The following RABGGTB variants were observed in gnomAD, a reference collection of about 807,000 sequenced individuals.
RABGGTB encodes the protein geranylgeranyl transferase type-2 subunit beta.
RABGGTB carries 20 observed loss-of-function variants against 44.5 expected under a neutral mutation model. The observed-to-expected ratio is 0.45, with a 90% CI of 0.32 to 0.65. RABGGTB has a LOEUF of 0.65. RABGGTB is among the 30% of genes least tolerant of loss of function. The pLI is 0.05. For missense variants in RABGGTB, 302 were observed against 398.7 expected, an observed-to-expected ratio of 0.76 and a Z score of 2.06; for synonymous variants, 128 against 136.7, an observed-to-expected ratio of 0.94 and a Z score of 0.44.
intron 2 of RABGGTB, 142 bp from the exon 3 acceptor site, chr1:75,789,017 T>A (rs1359419688): frequency 2.9e-6 from 2 of 678,228 alleles, no homozygotes; most frequent in Non-Finnish European, 5.0e-6. Context: ...AGCACAGATT[T>A]TAAACTCACT....
At chr1:75,794,055 G>T in intron 7 of RABGGTB, 29 bp from the exon 8 acceptor site, 2 of 1,544,406 alleles carry the variant, frequency 1.3e-6, no homozygotes, top group Non-Finnish European at 1.8e-6. Context: ...AAAAGAGAAT[G>T]AAATTGTGGC....
intron 7 of RABGGTB, 71 bp downstream of exon 7, chr1:75,792,377 T>C: frequency 6.4e-7 from 1 of 1,572,850 alleles, no homozygotes; most frequent in Non-Finnish European, 8.7e-7. Context: ...GTCTTGCCTG[T>C]TTCTATATTG....
At chr1:75,792,771 AGTG>A (rs1649676436) in intron 7 of RABGGTB, among the ~76,000 whole-genome samples, 1 of 152,180 alleles carries the variant, frequency 6.6e-6, no homozygotes, top group Non-Finnish European at 1.5e-5. Context: ...TGCAGCCATA[AGTG>A]GTAAGAAATG....
intron 1 of RABGGTB, chr1:75,786,969 AGTT>A (rs879868461): frequency 3.9e-4 from 161 of 415,614 alleles, no homozygotes; most frequent in Non-Finnish European, 4.6e-4. Context: ...GTAAACCGTA[AGTT>A]GTCCTGAAAT....
intron 4 of RABGGTB, 49 bp from the exon 5 acceptor site, chr1:75,791,236 A>C: frequency 6.8e-7 from 1 of 1,464,796 alleles, no homozygotes; most frequent in Admixed American, 1.7e-5. Flanking sequence ...TAGATGACTC[A>C]TGTATGATTT....
chr1:75,792,426 G>T, intron 7 of RABGGTB, 120 bp downstream of exon 7: 1 of 1,382,328 alleles, frequency 7.2e-7, no homozygotes, highest in Non-Finnish European at 9.8e-7. Context: ...TTTCCCTGTT[G>T]TGAATTTTCA....
chr1:75,787,476 A>G, intron 1 of RABGGTB, 21 bp from the exon 2 acceptor site: 1 of 1,558,596 alleles, frequency 6.4e-7, no homozygotes, highest in Non-Finnish European at 8.9e-7. Flanking sequence ...CATTGATGAG[A>G]TTACCACTTT....
At chr1:75,790,243 C>G (rs1649614149) in intron 4 of RABGGTB, 186 bp downstream of exon 4, 2 of 1,308,298 alleles carry the variant, frequency 1.5e-6, no homozygotes, top group Non-Finnish European at 1.9e-6. Context: ...TACAGGAGCA[C>G]TGGAACAGAG....
Position 75,789,904 on chromosome 1 carries a change from A to G in RABGGTB, c.310-48A>G, listed in dbSNP as rs757680760. 5.1e-6 allele frequency: 7 copies of G among 1,368,210 alleles called. No homozygotes were observed. In the South Asian group the frequency reaches 8.4e-5, roughly 16 times the overall value. 84.8% of individuals were successfully genotyped at this position (1,368,210 alleles called of 1,614,324 possible). ...AAAAAGAGTTGAGCATAAGATCATT[A>G]GAATAAACCTGAAAGGGACATTTAC... On this transcript the variant is annotated intron_variant, in intron 3 of 8. Coordinates refer to ENST00000319942, the MANE Select transcript of RABGGTB (RefSeq NM_004582.4).
intron 1 of RABGGTB, 174 bp from the exon 2 acceptor site, chr1:75,787,323 G>T: frequency 1.6e-6 from 1 of 622,620 alleles, no homozygotes; most frequent in Non-Finnish European, 2.8e-6. Context: ...AATTTCCCTG[G>T]CTCAAGCGAT....
intron 1 of RABGGTB, among the ~76,000 whole-genome samples, chr1:75,786,527 T>C (rs2100481184): frequency 6.6e-6 from 1 of 152,092 alleles, no homozygotes; most frequent in East Asian, 1.9e-4. Context: ...GCCCGATTTC[T>C]GAACCCCTCT....
rs148054996 is a variant in RABGGTB at position 75,789,880 on chromosome 1, A to G, written c.310-72A>G. The G allele has an allele frequency of 9.2e-4, 1,062 of 1,155,182 alleles. 5 individuals carry two copies. In the African/African-American group the frequency reaches 0.015, roughly 16 times the overall value. The allele number at this position is 1,155,182 out of a possible 1,614,324, so 71.6% of individuals were successfully genotyped here. On this transcript the variant is annotated intron_variant, in intron 3 of 8. Coordinates refer to ENST00000319942, the MANE Select transcript of RABGGTB (RefSeq NM_004582.4). ...ACAAAAGGATGTGCTTGACAACTTAAAAAGAGTTGAGCATAAGATCATTAG... is the reference window on the plus strand; with the variant it reads ...ACAAAAGGATGTGCTTGACAACTTAGAAAGAGTTGAGCATAAGATCATTAG...
intron 1 of RABGGTB, chr1:75,787,251 G>A: frequency 6.3e-6 from 4 of 634,300 alleles, no homozygotes; most frequent in South Asian, 1.6e-5. Flanking sequence ...TTTTGTTTTT[G>A]AGTCGGTCTC....
intron 1 of RABGGTB, chr1:75,787,190 T>G: frequency 1.7e-6 from 1 of 593,852 alleles, no homozygotes; most frequent in East Asian, 3.7e-5. Context: ...GCCTGAATGA[T>G]TTAAGTTCTT....
chr1:75,789,125 A>G, intron 2 of RABGGTB, 34 bp from the exon 3 acceptor site: 1 of 1,586,764 alleles, frequency 6.3e-7, no homozygotes, highest in Non-Finnish European at 8.7e-7. Context: ...TACCAGTTCA[A>G]ATGACAGATT....
intron 7 of RABGGTB, 100 bp from the exon 8 acceptor site, chr1:75,793,984 A>T: frequency 9.9e-7 from 1 of 1,007,512 alleles, no homozygotes; most frequent in Non-Finnish European, 1.4e-6. Flanking sequence ...CACTTTGAAC[A>T]TCAGATTACC....
At chr1:75,788,861 A>G in intron 2 of RABGGTB, 1 of 374,098 alleles carries the variant, frequency 2.7e-6, no homozygotes, top group Non-Finnish European at 4.8e-6. Context: ...CTGATGAAAA[A>G]GGTAGATGTT....
chr1:75,787,915 T>C, intron 2 of RABGGTB: 1 of 590,262 alleles, frequency 1.7e-6, no homozygotes, highest in Non-Finnish European at 3.2e-6. Flanking sequence ...GCATGTATTA[T>C]CTGAATCTAT....
intron 2 of RABGGTB, 157 bp downstream of exon 2, chr1:75,787,761 GTCTGAGGCTGTGGGC>G (rs1415711042): frequency 1.5e-6 from 1 of 677,140 alleles, no homozygotes; most frequent in Non-Finnish European, 2.6e-6. Context: ...TGCTTTGGAC[GTCTGAGGCTGTGGGC>G]TTATTAGAAT....
Sources: gnomAD v4.1 joint callset for allele counts (sites outside exome capture counted in the v4.1 genomes callset) on GRCh38, gnomAD v4.1.1 for gene constraint, MANE v1.5 for transcripts, NCBI Gene and HGNC (gene_info 2026-07-23, HGNC 2026-07-21) for gene names.